The following NCKAP5 variants were observed in gnomAD, a reference collection of about 807,000 sequenced individuals.
NCKAP5 encodes the protein nck-associated protein 5.
Under a neutral mutation model 167.0 loss-of-function variants are expected in NCKAP5, and 92 were observed. That is an observed-to-expected ratio of 0.55 (90% CI 0.47 to 0.66). NCKAP5 has a LOEUF of 0.66. Ranked by LOEUF, NCKAP5 falls within the 30% of genes least tolerant of loss-of-function variation. The probability of loss-of-function intolerance (pLI) is 0.00; values close to 1 mark genes in which losing one functional copy is unlikely to be tolerated. For missense variants in NCKAP5, 2,378 were observed against 2,315.0 expected, an observed-to-expected ratio of 1.03 and a Z score of -0.56; for synonymous variants, 891 against 877.4, an observed-to-expected ratio of 1.02 and a Z score of -0.27.
At chr2:133,453,360 C>A (rs924404165) in intron 3 of NCKAP5, among the ~76,000 whole-genome samples, 3 of 152,102 alleles carry the variant, frequency 2.0e-5, no homozygotes, top group Admixed American at 6.6e-5. Flanking sequence ...GACAGAACTG[C>A]AATAATTCCA....
the NCKAP5 span, among the ~76,000 whole-genome samples, chr2:133,650,579 T>C: frequency 6.6e-6 from 1 of 152,116 alleles, no homozygotes; most frequent in Non-Finnish European, 1.5e-5. Flanking sequence ...TGTTGTTTAA[T>C]AAAGGTTCCA....
intron 11 of NCKAP5, among the ~76,000 whole-genome samples, chr2:132,802,377 A>G (rs1685110398): frequency 6.6e-6 from 1 of 152,198 alleles, no homozygotes; most frequent in South Asian, 2.1e-4. Flanking sequence ...TTTTCAAATC[A>G]TCTCCACTTT....
chr2:133,574,556 G>T, the NCKAP5 span, among the ~76,000 whole-genome samples: 2 of 151,684 alleles, frequency 1.3e-5, no homozygotes, highest in African/African-American at 2.4e-5. Context: ...CAAGGAAGGT[G>T]GCTCAGGGGT....
At chr2:132,982,635 C>G (rs1183275891) in intron 7 of NCKAP5, among the ~76,000 whole-genome samples, 1 of 152,216 alleles carries the variant, frequency 6.6e-6, no homozygotes, top group Non-Finnish European at 1.5e-5. Context: ...GCATAGTACA[C>G]TATAGCTTTT....
intron 11 of NCKAP5, among the ~76,000 whole-genome samples, chr2:132,814,892 C>A (rs979348745): frequency 6.6e-6 from 1 of 152,128 alleles, no homozygotes; most frequent in Non-Finnish European, 1.5e-5. Context: ...TACAGACACA[C>A]AACACTCTGT....
chr2:133,060,195 A>G (rs2079950536), intron 6 of NCKAP5, among the ~76,000 whole-genome samples: 1 of 152,236 alleles, frequency 6.6e-6, no homozygotes, highest in African/African-American at 2.4e-5. Flanking sequence ...ATTTAATAGC[A>G]TATTTTTTTA....
At chr2:132,982,420 T>C (rs1281519379) in intron 7 of NCKAP5, among the ~76,000 whole-genome samples, 1 of 152,212 alleles carries the variant, frequency 6.6e-6, no homozygotes, top group Admixed American at 6.5e-5. Context: ...TTTAAATTCC[T>C]CTTCACAAAT....
intron 10 of NCKAP5, among the ~76,000 whole-genome samples, chr2:132,867,901 T>A (rs16855547): frequency 0.048 from 7,290 of 152,248 alleles, 386 homozygotes; most frequent in African/African-American, 0.12. Flanking sequence ...TATTTATGCA[T>A]GTTAGTATAA....
chr2:133,421,922 G>T (rs1689503184), intron 3 of NCKAP5, among the ~76,000 whole-genome samples: 1 of 152,152 alleles, frequency 6.6e-6, no homozygotes, highest in Non-Finnish European at 1.5e-5. Context: ...ATTCAACTCA[G>T]CTAACCTTTA....
chr2:132,759,874 A>G (rs1380528782), intron 16 of NCKAP5, among the ~76,000 whole-genome samples: 1 of 150,730 alleles, frequency 6.6e-6, no homozygotes, highest in Admixed American at 6.6e-5. Flanking sequence ...GCTTTTCTGT[A>G]TTTTTCTTTT....
intron 3 of NCKAP5, among the ~76,000 whole-genome samples, chr2:133,463,072 C>T (rs996517354): frequency 2.0e-5 from 3 of 152,140 alleles, no homozygotes; most frequent in African/African-American, 7.2e-5. Context: ...TGCTCCCCTG[C>T]TTGGCTTAAT....
intron 5 of NCKAP5, among the ~76,000 whole-genome samples, chr2:133,192,208 C>T (rs1030392846): frequency 1.3e-5 from 2 of 151,892 alleles, no homozygotes; most frequent in Admixed American, 1.3e-4. Context: ...AAACAGTCTT[C>T]AAAAAATAGT....
chr2:133,343,050 T>C lies in NCKAP5; in HGVS notation c.70-39940A>G, dbSNP rs149914050. ...TATACTAAAGGTGAAGGCTTATTCA[T>C]TGAAAATCAGAGACACAAATCCTCC... On this transcript the variant is annotated intron_variant, in intron 3 of 19. Transcript: ENST00000409261. 3.2e-3 allele frequency among the ~76,000 whole-genome samples: 488 copies of C among 152,292 alleles called. 9 individuals are homozygous for C. Among genetic ancestry groups the C allele is most frequent in the African/African-American group, 9.7e-3 (405 of 41,570 alleles).
At chr2:133,538,172 A>C (rs1406866497) in intron 2 of NCKAP5, among the ~76,000 whole-genome samples, 1 of 152,204 alleles carries the variant, frequency 6.6e-6, no homozygotes, top group Non-Finnish European at 1.5e-5. Context: ...TTTTGAAGGC[A>C]CTACTCTACT....
chr2:132,785,815 G>C (rs1185450150), intron 13 of NCKAP5, 97 bp from the exon 14 acceptor site: 1 of 966,208 alleles, frequency 1.0e-6, no homozygotes, highest in Non-Finnish European at 1.4e-6. Context: ...TGTGCTAGTG[G>C]TTGGTAACTA....
chr2:133,517,076 C>G (rs1015602566), intron 3 of NCKAP5, among the ~76,000 whole-genome samples: 2 of 152,194 alleles, frequency 1.3e-5, no homozygotes, highest in Non-Finnish European at 2.9e-5. Flanking sequence ...AATATTTGAA[C>G]CTGTATTGAA....
chr2:133,217,558 A>G (rs1304182211), intron 4 of NCKAP5, among the ~76,000 whole-genome samples: 4 of 152,116 alleles, frequency 2.6e-5, no homozygotes, highest in African/African-American at 9.7e-5. Flanking sequence ...TGACCACAAC[A>G]GTAGCAACCA....
intron 4 of NCKAP5, among the ~76,000 whole-genome samples, chr2:133,286,422 G>A (rs954571062): frequency 1.6e-4 from 24 of 152,278 alleles, no homozygotes; most frequent in African/African-American, 5.5e-4. Context: ...GAAAGGAATG[G>A]ATTTTCTAAA....
intron 4 of NCKAP5, among the ~76,000 whole-genome samples, chr2:133,223,637 T>A (rs1034162239): frequency 6.6e-6 from 1 of 152,192 alleles, no homozygotes; most frequent in Non-Finnish European, 1.5e-5. Context: ...TTTTTTCCAA[T>A]ACGTAACATC....
Sources: allele counts gnomAD v4.1 joint callset (sites outside exome capture counted in the v4.1 genomes callset), GRCh38; gene constraint gnomAD v4.1.1; transcripts MANE v1.5; gene names NCBI Gene and HGNC (gene_info 2026-07-23, HGNC 2026-07-21).